Variants in STAT4 observed in about 807,000 individuals in gnomAD.
STAT4 encodes the protein signal transducer and activator of transcription 4.
In STAT4, 42 loss-of-function variants were observed where a neutral mutation model predicts 110.5. The observed-to-expected ratio is 0.38, with a 90% CI of 0.30 to 0.49. STAT4 has a LOEUF of 0.49. Ranked by LOEUF, STAT4 falls within the 20% of genes least tolerant of loss-of-function variation. The pLI is 0.95. For synonymous variants in STAT4, 284 were observed against 302.2 expected, an observed-to-expected ratio of 0.94 and a Z score of 0.63; for missense variants, 632 against 887.9, an observed-to-expected ratio of 0.71 and a Z score of 3.66.
chr2:191,124,169 T>C (rs537999885), intron 3 of STAT4, among the ~76,000 whole-genome samples: 12 of 152,250 alleles, frequency 7.9e-5, no homozygotes, highest in South Asian at 2.1e-4. Flanking sequence ...TTAAAAAAGA[T>C]ACTGAGGCCG....
chr2:191,147,154 T>A lies in STAT4; in HGVS notation c.129-397A>T, dbSNP rs1023385435. On this transcript the variant is annotated intron_variant, in intron 2 of 23. Coordinates refer to ENST00000392320, the MANE Select transcript of STAT4 (RefSeq NM_003151.4). The surrounding 1 kb of genome is among the most constrained non-coding windows in gnomAD (Gnocchi z 4.1). ...GACCCAGCAATTCCACATCTGGATATATACCCAAAAGAATTAAAAGCAGGG... is the reference window on the plus strand; with the variant it reads ...GACCCAGCAATTCCACATCTGGATAAATACCCAAAAGAATTAAAAGCAGGG... Among the ~76,000 whole-genome samples the A allele has an allele frequency of 6.6e-6, 1 of 152,166 alleles. No homozygotes were observed. Among genetic ancestry groups the A allele is most frequent in the Non-Finnish European group, 1.5e-5 (1 of 68,016 alleles).
chr2:191,052,750 A>G (rs1222558064), intron 14 of STAT4, among the ~76,000 whole-genome samples: 1 of 152,250 alleles, frequency 6.6e-6, no homozygotes, highest in Non-Finnish European at 1.5e-5. Context: ...AACTCTAGCC[A>G]GAATTCCAAG....
chr2:191,118,137 T>C (rs1433384579), intron 3 of STAT4, among the ~76,000 whole-genome samples: 1 of 152,210 alleles, frequency 6.6e-6, no homozygotes, highest in Non-Finnish European at 1.5e-5. Context: ...AATTGGCACG[T>C]TACTAAAGGA....
upstream of STAT4, chr2:191,151,536 C>G: frequency 1.0e-6 from 1 of 985,576 alleles, no homozygotes; most frequent in Middle Eastern, 5.2e-4. The surrounding 1 kb of genome is among the most constrained non-coding windows in gnomAD (Gnocchi z 4.7). Context: ...CTGGGTAGGC[C>G]ACCAGTGCTT....
Position 191,029,997 on chromosome 2 carries a change from TTAAAC to T in STAT4, c.2221-136_2221-132del, listed in dbSNP as rs1424156729. 1.4e-6 allele frequency: 1 copy of T among 718,410 alleles called. No homozygotes were observed. Among genetic ancestry groups the T allele is most frequent in the African/African-American group, 1.8e-5 (1 of 55,574 alleles). 44.5% of individuals were successfully genotyped at this position (718,410 alleles called of 1,614,324 possible). A position where few individuals can be genotyped will look rare whatever the true frequency, so the allele number is the denominator to read the frequency against. On this transcript the variant is annotated intron_variant, in intron 23 of 23. Coordinates refer to ENST00000392320, the MANE Select transcript of STAT4 (RefSeq NM_003151.4). This position sits in a 1 kb window ranked among gnomAD's most constrained non-coding sequence, Gnocchi z 4.5. ...TTTTTCTATTACCTAGTTAAAATAC[TTAAAC>T]TAAGTATTTGCAAAAGTAATTGGGG...
chr2:191,132,604 G>T (rs1489695442), intron 3 of STAT4, among the ~76,000 whole-genome samples: 4 of 151,672 alleles, frequency 2.6e-5, no homozygotes, highest in South Asian at 2.1e-4. Context: ...AAATATAAAT[G>T]ATGAAAATTG....
Position 191,146,474 on chromosome 2 carries a change from A to G in STAT4, c.273+139T>C, listed in dbSNP as rs536365360. Reference sequence around the variant, plus strand: ...AAAATGTTAGGTAATAAAATTGAGCACAAAATTTGTAAGTGGTAAGACAAC... The same window carrying G: ...AAAATGTTAGGTAATAAAATTGAGCGCAAAATTTGTAAGTGGTAAGACAAC... On this transcript the variant is annotated intron_variant, in intron 3 of 23. Transcript: ENST00000392320. The surrounding 1 kb of genome is among the most constrained non-coding windows in gnomAD (Gnocchi z 4.5). The G allele has an allele frequency of 1.6e-5, 12 of 735,486 alleles. No homozygotes were observed. In the South Asian group the frequency reaches 5.0e-4, roughly 31 times the overall value. The allele number at this position is 735,486 out of a possible 1,614,324, so 45.6% of individuals were successfully genotyped here.
At position 191,029,632 on chromosome 2, in the gene STAT4, T is replaced by A. The variant is rs2280236; in HGVS notation, c.*208A>T. The stretch of plus-strand genomic sequence containing the variant: ...TCTTAAAGTTGTCTTATCTTGCAAG[T>A]TTATCTGAAGCTTTGGTTTCAAGCA... On this transcript the variant is annotated 3_prime_UTR_variant, in exon 24 of 24. Transcript: ENST00000392320. The surrounding 1 kb of genome is among the most constrained non-coding windows in gnomAD (Gnocchi z 4.5). 21 of 550,574 alleles carry A rather than the reference T, an allele frequency of 3.8e-5. No individual in the cohort carries two copies. In the East Asian group the frequency reaches 7.2e-4, roughly 19 times the overall value. 34.1% of individuals were successfully genotyped at this position (550,574 alleles called of 1,614,324 possible).
chr2:191,148,914 T>C (rs1416438471), intron 1 of STAT4, among the ~76,000 whole-genome samples: 1 of 152,200 alleles, frequency 6.6e-6, no homozygotes, highest in African/African-American at 2.4e-5. Flanking sequence ...GAGAAACATC[T>C]GATAGTGGTT....
rs6741914 is a variant in STAT4, at chr2:191,125,068, A to T, written c.273+21545T>A. On this transcript the variant is annotated intron_variant, in intron 3 of 23. Coordinates refer to ENST00000392320, the MANE Select transcript of STAT4 (RefSeq NM_003151.4). ...AGGGAAAAGATTTGGTGAGTTGATGATTTGCTTAGCTACAGAGAGCCAATG... is the reference window on the plus strand; with the variant it reads ...AGGGAAAAGATTTGGTGAGTTGATGTTTTGCTTAGCTACAGAGAGCCAATG... Among the ~76,000 whole-genome samples, 1,365 of 152,320 alleles carry T rather than the reference A, an allele frequency of 9.0e-3. 14 individuals are homozygous for T. The highest frequency in any genetic ancestry group is 0.014 in the Non-Finnish European group (971 of 68,022).
chr2:191,119,927 G>T (rs573266887), intron 3 of STAT4, among the ~76,000 whole-genome samples: 1 of 152,248 alleles, frequency 6.6e-6, no homozygotes, highest in South Asian at 2.1e-4. Context: ...TCAAGAAATG[G>T]CTCTGGGTCA....
chr2:191,055,678 T>C (rs1696669969), intron 13 of STAT4, among the ~76,000 whole-genome samples: 1 of 152,214 alleles, frequency 6.6e-6, no homozygotes, highest in South Asian at 2.1e-4. Context: ...TATTTATTTT[T>C]GTATTAAAAA....
At chr2:191,074,340 G>C (rs1345168665) in intron 4 of STAT4, among the ~76,000 whole-genome samples, 1 of 152,194 alleles carries the variant, frequency 6.6e-6, no homozygotes, top group East Asian at 1.9e-4. Flanking sequence ...CCATGTCCTT[G>C]ACTCTTGATC....
chr2:191,111,222 A>T (rs1698412919), intron 3 of STAT4, among the ~76,000 whole-genome samples: 1 of 152,178 alleles, frequency 6.6e-6, no homozygotes, highest in Non-Finnish European at 1.5e-5. Context: ...TCTGGGGTAC[A>T]ATGCCTTATC....
chr2:191,150,422 T>C lies in STAT4; in HGVS notation c.-2+525A>G, dbSNP rs2125469779. ...GCGTGCATTTCCTAGAAGATCCCAC[T>C]AAAGGGGCATTTTGTCCCACCGTCT... On this transcript the variant is annotated intron_variant, in intron 1 of 23. Transcript: ENST00000392320. The surrounding 1 kb of genome is among the most constrained non-coding windows in gnomAD (Gnocchi z 6.4). Among the ~76,000 whole-genome samples the C allele has an allele frequency of 6.6e-6, 1 of 152,318 alleles. No homozygotes were observed. The highest frequency in any genetic ancestry group is 1.9e-4 in the East Asian group (1 of 5,190).
chr2:191,140,992 A>G lies in STAT4; in HGVS notation c.273+5621T>C, dbSNP rs1176868187. Among the ~76,000 whole-genome samples, 1 of 152,186 alleles carries G rather than the reference A, an allele frequency of 6.6e-6. No homozygotes were observed. The highest frequency in any genetic ancestry group is 1.5e-5 in the Non-Finnish European group (1 of 68,044). Reference sequence around the variant, plus strand: ...CTAAGTGAAGTAACTCATAAATGGAAAACCAAATATCATATGTTCTCACAA... The same window carrying G: ...CTAAGTGAAGTAACTCATAAATGGAGAACCAAATATCATATGTTCTCACAA... On this transcript the variant is annotated intron_variant, in intron 3 of 23. Coordinates refer to ENST00000392320, the MANE Select transcript of STAT4 (RefSeq NM_003151.4). This position sits in a 1 kb window ranked among gnomAD's most constrained non-coding sequence, Gnocchi z 4.4.
Position 191,053,844 on chromosome 2 carries a change from C to G in STAT4, c.1251+646G>C, listed in dbSNP as rs1696597614. The stretch of plus-strand genomic sequence containing the variant: ...ATTTAAAATTATGGAAAACTGTTCT[C>G]CGGGCTGGGCACGGTGGCTCACGCC... On this transcript the variant is annotated intron_variant, in intron 14 of 23. Transcript: ENST00000392320. This position sits in a 1 kb window ranked among gnomAD's most constrained non-coding sequence, Gnocchi z 4.5. Among the ~76,000 whole-genome samples, 1 of 152,094 alleles carries G rather than the reference C, an allele frequency of 6.6e-6. No homozygotes were observed. The highest frequency in any genetic ancestry group is 6.5e-5 in the Admixed American group (1 of 15,272).
Position 191,076,339 on chromosome 2 carries a change from C to G in STAT4, c.274-14G>C. 6.5e-7 allele frequency: 1 copy of G among 1,534,068 alleles called. No homozygotes were observed. The highest frequency in any genetic ancestry group is 8.9e-7 in the Non-Finnish European group (1 of 1,122,712). On this transcript the variant is annotated splice_polypyrimidine_tract_variant and intron_variant, in intron 3 of 23. Transcript: ENST00000392320. ...ATGAAATTTTCCCTGAAAAAAAAAA[C>G]AATGAGCAAAAATAACTAACGTAAA...
At chr2:191,132,491 A>C (rs1461892062) in intron 3 of STAT4, among the ~76,000 whole-genome samples, 5 of 151,750 alleles carry the variant, frequency 3.3e-5, no homozygotes, top group Non-Finnish European at 7.3e-5. Flanking sequence ...GGAATGGAGA[A>C]GTAATGGTGA....
Sources: gnomAD v4.1 joint callset for allele counts (sites outside exome capture counted in the v4.1 genomes callset) on GRCh38, gnomAD v4.1.1 for gene constraint, Gnocchi (gnomAD v3.1) non-coding constraint, MANE v1.5 for transcripts, NCBI Gene and HGNC (gene_info 2026-07-23, HGNC 2026-07-21) for gene names.